Variants in CADM2 observed in about 807,000 individuals in gnomAD.
The protein encoded by CADM2 is cell adhesion molecule 2, also known as immunoglobulin superfamily member 4D.
CADM2 carries 12 observed loss-of-function variants against 49.8 expected under a neutral mutation model. The observed-to-expected ratio is 0.24, with a 90% CI of 0.15 to 0.39. The LOEUF (loss-of-function observed/expected upper bound fraction) is 0.39, where lower values mean the gene tolerates loss of function less well. Ranked by LOEUF, CADM2 falls within the 10% of genes least tolerant of loss-of-function variation. The pLI is 1.00. For missense variants in CADM2, 378 were observed against 492.3 expected (o/e 0.77, Z 2.20); for synonymous variants, 214 against 175.4 (o/e 1.22, Z -1.74).
intron 1 of CADM2, among the ~76,000 whole-genome samples, chr3:85,500,053 C>T: frequency 6.6e-6 from 1 of 152,086 alleles, no homozygotes; most frequent in East Asian, 1.9e-4. Context: ...ATTTATTACT[C>T]AGTAATTACA....
intron 1 of CADM2, among the ~76,000 whole-genome samples, chr3:85,418,558 A>C (rs758389309): frequency 6.6e-6 from 1 of 152,212 alleles, no homozygotes; most frequent in African/African-American, 2.4e-5. Flanking sequence ...TAATGAATGC[A>C]ATAACTTTTT....
At chr3:85,109,440 A>G (rs2038369764) in intron 1 of CADM2, among the ~76,000 whole-genome samples, 1 of 151,930 alleles carries the variant, frequency 6.6e-6, no homozygotes, top group Admixed American at 6.6e-5. Flanking sequence ...ATTTTGAAAG[A>G]TAGAAAAGTA....
chr3:85,832,512 T>C (rs2074227778), intron 3 of CADM2, among the ~76,000 whole-genome samples: 1 of 152,012 alleles, frequency 6.6e-6, no homozygotes, highest in Non-Finnish European at 1.5e-5. Context: ...GTAGTTCTCT[T>C]TGTAGAGATC....
intron 1 of CADM2, among the ~76,000 whole-genome samples, chr3:85,336,348 AT>A (rs2045078020): frequency 6.6e-6 from 1 of 150,842 alleles, no homozygotes; most frequent in South Asian, 2.1e-4. Context: ...CAATAATTTT[AT>A]TTGTTATAGG....
At chr3:85,037,683 C>G (rs958919251) in intron 1 of CADM2, among the ~76,000 whole-genome samples, 2 of 151,948 alleles carry the variant, frequency 1.3e-5, no homozygotes, top group African/African-American at 4.8e-5. Context: ...TATGTTTGTC[C>G]CCTTTATCTT....
At chr3:85,398,834 C>T (rs969601999) in intron 1 of CADM2, among the ~76,000 whole-genome samples, 13 of 152,106 alleles carry the variant, frequency 8.5e-5, no homozygotes, top group Non-Finnish European at 1.6e-4. Flanking sequence ...ATATCCTTTG[C>T]CCAGTTGTTG....
intron 1 of CADM2, among the ~76,000 whole-genome samples, chr3:85,402,113 A>G (rs887280931): frequency 6.6e-6 from 1 of 152,098 alleles, no homozygotes; most frequent in African/African-American, 2.4e-5. Context: ...TTTCATTTAA[A>G]TAAAAGTTTC....
intron 2 of CADM2, among the ~76,000 whole-genome samples, chr3:85,762,934 T>C (rs1327201405): frequency 6.6e-6 from 1 of 151,890 alleles, no homozygotes; most frequent in Non-Finnish European, 1.5e-5. Context: ...TTTTATTATA[T>C]ATTTTAAAAT....
intron 1 of CADM2, among the ~76,000 whole-genome samples, chr3:85,569,728 A>C (rs2062424758): frequency 6.6e-6 from 1 of 151,896 alleles, no homozygotes; most frequent in Non-Finnish European, 1.5e-5. Context: ...AAAAAAAAGA[A>C]AATAGAATGA....
intron 1 of CADM2, among the ~76,000 whole-genome samples, chr3:85,367,272 C>G (rs539338734): frequency 6.6e-6 from 1 of 152,032 alleles, no homozygotes; most frequent in Non-Finnish European, 1.5e-5. Context: ...ATGTCTTTTT[C>G]AGTTCCATAA....
intron 1 of CADM2, among the ~76,000 whole-genome samples, chr3:85,151,751 G>A (rs1486916293): frequency 6.6e-6 from 1 of 152,112 alleles, no homozygotes; most frequent in Non-Finnish European, 1.5e-5. Flanking sequence ...AAAATTCAAG[G>A]TGAGGTCAAA....
At chr3:85,756,160 A>AT (rs1429717088) in intron 2 of CADM2, among the ~76,000 whole-genome samples, 1 of 128,408 alleles carries the variant, frequency 7.8e-6, no homozygotes, top group East Asian at 2.3e-4. Flanking sequence ...GACAAAGACC[A>AT]ATTTTTTTTT....
intron 1 of CADM2, among the ~76,000 whole-genome samples, chr3:85,442,381 A>G (rs2037243503): frequency 6.6e-6 from 1 of 151,894 alleles, no homozygotes; most frequent in Non-Finnish European, 1.5e-5. Flanking sequence ...ATAGCGGAGC[A>G]AATGACTACA....
chr3:85,094,535 C>T (rs906130364), intron 1 of CADM2, among the ~76,000 whole-genome samples: 1 of 152,092 alleles, frequency 6.6e-6, no homozygotes, highest in Non-Finnish European at 1.5e-5. Flanking sequence ...TAAAAATGAA[C>T]ACCTTAAAGG....
chr3:85,020,881 T>G (rs2034473009), intron 1 of CADM2, among the ~76,000 whole-genome samples: 1 of 151,928 alleles, frequency 6.6e-6, no homozygotes, highest in Non-Finnish European at 1.5e-5. Context: ...AGGAAAAATT[T>G]TACAACTACA....
chr3:85,753,125 G>A (rs1176248247), intron 2 of CADM2, among the ~76,000 whole-genome samples: 1 of 152,114 alleles, frequency 6.6e-6, no homozygotes, highest in Non-Finnish European at 1.5e-5. Context: ...AAACAACTGT[G>A]CTCCCAGGGA....
At chr3:85,884,950 G>A (rs906005105) in intron 4 of CADM2, among the ~76,000 whole-genome samples, 1 of 148,550 alleles carries the variant, frequency 6.7e-6, no homozygotes, top group African/African-American at 2.5e-5. Flanking sequence ...TGGCCAAGAT[G>A]GTCTCGATCA....
At chr3:85,733,931 C>G (rs1166427623) in intron 2 of CADM2, among the ~76,000 whole-genome samples, 1 of 151,816 alleles carries the variant, frequency 6.6e-6, no homozygotes, top group Non-Finnish European at 1.5e-5. Flanking sequence ...AATTAAATTC[C>G]CAAGATTTGT....
At chr3:85,319,340 T>C (rs2044544047) in intron 1 of CADM2, among the ~76,000 whole-genome samples, 2 of 152,196 alleles carry the variant, frequency 1.3e-5, no homozygotes, top group African/African-American at 4.8e-5. Flanking sequence ...TATAGACTGT[T>C]GGTAGGAGTA....
Sources: allele counts gnomAD v4.1 joint callset (sites outside exome capture counted in the v4.1 genomes callset), GRCh38; gene constraint gnomAD v4.1.1; transcripts MANE v1.5; gene names NCBI Gene and HGNC (gene_info 2026-07-23, HGNC 2026-07-21).